Variants in ZNF516 observed in about 807,000 individuals in gnomAD.
ZNF516 encodes the protein zinc finger protein 516.
In ZNF516, 19 loss-of-function variants were observed where a neutral mutation model predicts 79.7. The observed-to-expected ratio is 0.24, with a 90% CI of 0.17 to 0.35. The LOEUF (loss-of-function observed/expected upper bound fraction) is 0.35. ZNF516 is among the 10% of genes least tolerant of loss of function. The pLI is 1.00. For missense variants in ZNF516, 1,678 were observed against 1,679.5 expected (o/e 1.00, Z 0.02); for synonymous variants, 877 against 739.5 (o/e 1.19, Z -3.02).
intron 3 of ZNF516, among the ~76,000 whole-genome samples, chr18:76,392,600 G>GA (rs1255483009): frequency 7.1e-6 from 1 of 141,104 alleles, no homozygotes; most frequent in Non-Finnish European, 1.5e-5. Flanking sequence ...CCGGGTGGGG[G>GA]AAGGGCAGGT....
chr18:76,385,887 C>T (rs980115367), intron 3 of ZNF516: 2 of 152,232 alleles, frequency 1.3e-5, no homozygotes, highest in African/African-American at 4.8e-5. Context: ...CTCGTGGCCC[C>T]CTGTGCACTG....
intron 1 of ZNF516, among the ~76,000 whole-genome samples, chr18:76,468,994 C>A (rs1357805820): frequency 2.6e-5 from 4 of 152,166 alleles, no homozygotes; most frequent in Non-Finnish European, 5.9e-5. Flanking sequence ...GGGAGAGCCT[C>A]CAGGTCTGAA....
chr18:76,469,557 A>T (rs1913704438), intron 1 of ZNF516, among the ~76,000 whole-genome samples: 1 of 152,198 alleles, frequency 6.6e-6, no homozygotes. Flanking sequence ...GGGTTGGGAT[A>T]AGGGAGGAGA....
rs757069009 is a variant in ZNF516 at position 76,379,249 on chromosome 18, G to A, written c.2865C>T (p.Val955=). ...GGGCAAAGCCAGCCCCCGCTGGGGG[G>A]ACCCCAAACTTCTCCACAGGCTTGC... ...ANSKPVEKFG[V]PPAGAGFAPT... is the part of the protein sequence containing the mutation. Residue 955 remains valine, a synonymous_variant, in exon 4 of 7, where the codon GTC becomes GTT. Coordinates refer to ENST00000443185, the MANE Select transcript of ZNF516 (RefSeq NM_014643.4). 1.7e-5 allele frequency: 27 copies of A among 1,612,464 alleles called. No homozygotes were observed. Among genetic ancestry groups the A allele is most frequent in the South Asian group, 5.5e-5 (5 of 91,084 alleles).
chr18:76,408,660 A>C (rs1220796380), intron 3 of ZNF516, among the ~76,000 whole-genome samples: 1 of 151,764 alleles, frequency 6.6e-6, no homozygotes, highest in Non-Finnish European at 1.5e-5. Flanking sequence ...CTAACGACAG[A>C]AAGAGGCGTA....
At chr18:76,478,406 T>G (rs950393852) in intron 1 of ZNF516, among the ~76,000 whole-genome samples, 2 of 152,122 alleles carry the variant, frequency 1.3e-5, no homozygotes, top group Admixed American at 1.3e-4. Flanking sequence ...TATTGAGAGG[T>G]TGGCAAAACT....
chr18:76,440,085 T>C (rs1235923869), intron 3 of ZNF516, among the ~76,000 whole-genome samples: 9 of 152,248 alleles, frequency 5.9e-5, no homozygotes, highest in African/African-American at 2.2e-4. Context: ...CATTTATCTA[T>C]GTATACACTC....
chr18:76,405,208 G>A (rs191870250), intron 3 of ZNF516, among the ~76,000 whole-genome samples: 8 of 152,232 alleles, frequency 5.3e-5, no homozygotes, highest in East Asian at 3.9e-4. Flanking sequence ...AGGGCCCCCC[G>A]AACTGTGCAG....
At chr18:76,389,147 T>G (rs2075033320) in intron 3 of ZNF516, 1 of 152,088 alleles carries the variant, frequency 6.6e-6, no homozygotes, top group South Asian at 2.1e-4. Context: ...GGAAAATCAG[T>G]TCATCCATGA....
chr18:76,447,566 C>G (rs1912133461), intron 2 of ZNF516, among the ~76,000 whole-genome samples: 1 of 152,216 alleles, frequency 6.6e-6, no homozygotes, highest in Admixed American at 6.5e-5. Flanking sequence ...GTGAGCCTGC[C>G]ACCCAAACCA....
At chr18:76,456,432 A>G (rs1912729633) in intron 2 of ZNF516, among the ~76,000 whole-genome samples, 1 of 152,212 alleles carries the variant, frequency 6.6e-6, no homozygotes. Context: ...GCTGGTGTTA[A>G]GTCACATAAA....
chr18:76,492,630 C>A, intron 1 of ZNF516: 1 of 767,844 alleles, frequency 1.3e-6, no homozygotes, highest in Non-Finnish European at 1.6e-6. Context: ...TGGGTTCCAT[C>A]ATCACCTGAA....
upstream of ZNF516, chr18:76,496,165 G>A: frequency 2.1e-6 from 2 of 936,078 alleles, no homozygotes; most frequent in Non-Finnish European, 2.8e-6. Context: ...CGGGCGCGCG[G>A]GGGCGGGGGA....
chr18:76,481,793 T>A (rs892000681), intron 1 of ZNF516, among the ~76,000 whole-genome samples: 4 of 152,246 alleles, frequency 2.6e-5, no homozygotes, highest in Non-Finnish European at 4.4e-5. Flanking sequence ...ATTTGCCCAA[T>A]CTGATTCAAG....
rs774298287 is a variant in ZNF516, at chr18:76,441,286, G to C, written c.1769C>G (p.Ala590Gly). 48 of 1,610,874 alleles carry C rather than the reference G, an allele frequency of 3.0e-5. No individual in the cohort carries two copies. Among genetic ancestry groups the C allele is most frequent in the Non-Finnish European group, 3.7e-5 (44 of 1,179,382 alleles). The change falls in exon 3 of 7, where the codon GCC (alanine) becomes GGC (glycine). Residue 590 changes from alanine (A) to glycine (G), a missense_variant. This residue lies in a region of ZNF516 where 1,294 missense variants were observed against 1,248.3 expected (regional missense o/e 1.04). Transcript: ENST00000443185. ...GGCGCCCTCCTCACCACTGTCTTCG[G>C]CAGCCTCGTCGGCCAGGCCAGAGCC... is the stretch of plus-strand genomic sequence containing the variant. Reference protein sequence around the residue: ...SPGSGLADEAAEDSGEEGAPE... With the variant: ...SPGSGLADEAGEDSGEEGAPE...
chr18:76,442,593 C>G lies in ZNF516; in HGVS notation c.462G>C (p.Arg154=), dbSNP rs760736961. ...SQADSGRVLL[R]SSKKGAEGSA... Reference sequence around the variant, plus strand: ...ACCCCTCTGCCCCCTTCTTGCTGCTCCGCAGCAGGACTCTGCCGCTGTCGG... The same window carrying G: ...ACCCCTCTGCCCCCTTCTTGCTGCTGCGCAGCAGGACTCTGCCGCTGTCGG... The change falls in exon 3 of 7, where the codon CGG becomes CGC. Residue 154 remains arginine, a synonymous_variant. Coordinates refer to ENST00000443185, the MANE Select transcript of ZNF516 (RefSeq NM_014643.4). 52 of 1,597,750 alleles carry G rather than the reference C, an allele frequency of 3.3e-5. No homozygotes were observed. Among genetic ancestry groups the G allele is most frequent in the Non-Finnish European group, 4.4e-5 (52 of 1,179,126 alleles).
chr18:76,383,398 G>C (rs904865553), intron 3 of ZNF516, among the ~76,000 whole-genome samples: 6 of 150,478 alleles, frequency 4.0e-5, no homozygotes, highest in African/African-American at 1.5e-4. Flanking sequence ...TTCTCAGCCA[G>C]GGACCCAGGA....
intron 6 of ZNF516, among the ~76,000 whole-genome samples, chr18:76,367,957 T>C (rs1471343377): frequency 6.6e-6 from 1 of 152,134 alleles, no homozygotes; most frequent in Non-Finnish European, 1.5e-5. Flanking sequence ...GAATACACGG[T>C]GTTGCATGAT....
At chr18:76,415,384 C>T (rs2075420330) in intron 3 of ZNF516, among the ~76,000 whole-genome samples, 1 of 152,192 alleles carries the variant, frequency 6.6e-6, no homozygotes, top group African/African-American at 2.4e-5. Context: ...GCAAGCCCGG[C>T]TGTGGCTTTG....
Sources: gnomAD v4.1 joint callset for allele counts (sites outside exome capture counted in the v4.1 genomes callset) on GRCh38, gnomAD v4.1.1 for gene constraint, gnomAD v4.1.1 regional missense constraint, MANE v1.5 for transcripts, NCBI Gene and HGNC (gene_info 2026-07-23, HGNC 2026-07-21) for gene names.